The following CNTNAP2 variants were observed in gnomAD, a reference collection of about 807,000 sequenced individuals.
CNTNAP2 encodes contactin-associated protein-like 2.
Under a neutral mutation model 155.2 loss-of-function variants are expected in CNTNAP2, and 98 were observed. The ratio of observed to expected loss-of-function variants is 0.63; its 90% confidence interval spans 0.54 to 0.75. The LOEUF (loss-of-function observed/expected upper bound fraction) is 0.75, where lower values mean the gene tolerates loss of function less well. Ranked by LOEUF, CNTNAP2 falls within the 30% of genes least tolerant of loss-of-function variation. The pLI, the probability that CNTNAP2 is intolerant of heterozygous loss-of-function variation, is 0.00. For synonymous variants in CNTNAP2, 651 were observed against 631.2 expected, an observed-to-expected ratio of 1.03 and a Z score of -0.47; for missense variants, 1,727 against 1,688.1, an observed-to-expected ratio of 1.02 and a Z score of -0.40.
chr7:147,005,337 A>G (rs573228563), intron 3 of CNTNAP2, among the ~76,000 whole-genome samples: 13 of 152,222 alleles, frequency 8.5e-5, no homozygotes, highest in African/African-American at 3.1e-4. Context: ...TATGATCCAT[A>G]CACAATAACC....
intron 3 of CNTNAP2, among the ~76,000 whole-genome samples, chr7:146,888,397 C>A (rs1795711212): frequency 6.6e-6 from 1 of 151,924 alleles, no homozygotes; most frequent in South Asian, 2.1e-4. Flanking sequence ...CTTTCATTTA[C>A]CTTTTATTGA....
intron 4 of CNTNAP2, among the ~76,000 whole-genome samples, chr7:147,106,607 A>G (rs1050066746): frequency 6.6e-6 from 1 of 152,164 alleles, no homozygotes; most frequent in South Asian, 2.1e-4. Context: ...ATAATATAAC[A>G]TTGTACAAAC....
intron 13 of CNTNAP2, among the ~76,000 whole-genome samples, chr7:147,654,091 A>G (rs1439094445): frequency 1.3e-5 from 2 of 152,188 alleles, no homozygotes; most frequent in African/African-American, 4.8e-5. Context: ...TGTAAATATA[A>G]GAAATCTTAA....
At chr7:147,275,205 A>T (rs753595176) in intron 8 of CNTNAP2, among the ~76,000 whole-genome samples, 1 of 152,022 alleles carries the variant, frequency 6.6e-6, no homozygotes, top group Non-Finnish European at 1.5e-5. Flanking sequence ...AAATGACATT[A>T]GCAATTTGAT....
At chr7:148,291,121 C>A (rs1486990915) in intron 21 of CNTNAP2, among the ~76,000 whole-genome samples, 1 of 151,930 alleles carries the variant, frequency 6.6e-6, no homozygotes, top group Non-Finnish European at 1.5e-5. Flanking sequence ...TGAGACTTTC[C>A]AGTTTTTAGA....
chr7:148,409,498 A>G (rs1412246852), intron 23 of CNTNAP2, 27 bp downstream of exon 23: 4 of 1,581,590 alleles, frequency 2.5e-6, no homozygotes, highest in Non-Finnish European at 3.5e-6. Context: ...GGAGGCTTAT[A>G]TGGGGCTACT....
At chr7:147,435,480 A>G (rs745370514) in intron 10 of CNTNAP2, among the ~76,000 whole-genome samples, 1 of 152,198 alleles carries the variant, frequency 6.6e-6, no homozygotes, top group Non-Finnish European at 1.5e-5. Flanking sequence ...AGGATCTGAG[A>G]CTATATATCC....
intron 1 of CNTNAP2, among the ~76,000 whole-genome samples, chr7:146,271,824 A>G (rs1800086878): frequency 6.6e-6 from 1 of 152,136 alleles, no homozygotes; most frequent in Non-Finnish European, 1.5e-5. Flanking sequence ...TCTTTATTTC[A>G]GATAAACTAT....
At chr7:146,915,083 C>T (rs1796367380) in intron 3 of CNTNAP2, among the ~76,000 whole-genome samples, 1 of 151,968 alleles carries the variant, frequency 6.6e-6, no homozygotes, top group Non-Finnish European at 1.5e-5. Flanking sequence ...GTATACTTTC[C>T]CCACTTTATA....
At chr7:147,690,036 G>T (rs781429298) in intron 13 of CNTNAP2, among the ~76,000 whole-genome samples, 3 of 151,436 alleles carry the variant, frequency 2.0e-5, no homozygotes, top group Admixed American at 6.8e-5. Context: ...TCCGCCTCCA[G>T]TCTCCCTTCC....
At chr7:146,933,738 A>G (rs1312509326) in intron 3 of CNTNAP2, among the ~76,000 whole-genome samples, 1 of 151,976 alleles carries the variant, frequency 6.6e-6, no homozygotes, top group Non-Finnish European at 1.5e-5. Flanking sequence ...AAACAAATTT[A>G]CAAGAAAAAA....
chr7:146,370,494 A>T (rs1176645302), intron 1 of CNTNAP2, among the ~76,000 whole-genome samples: 1 of 151,948 alleles, frequency 6.6e-6, no homozygotes, highest in Non-Finnish European at 1.5e-5. Flanking sequence ...CACTGTCAAA[A>T]TTATTATTTA....
intron 20 of CNTNAP2, among the ~76,000 whole-genome samples, chr7:148,240,810 GC>G (rs1200908713): frequency 6.7e-6 from 1 of 150,326 alleles, no homozygotes; most frequent in Non-Finnish European, 1.5e-5. Context: ...GAGTACCAAA[GC>G]TGACGAATTT....
intron 11 of CNTNAP2, among the ~76,000 whole-genome samples, chr7:147,514,283 T>C (rs949586183): frequency 6.6e-6 from 1 of 152,068 alleles, no homozygotes; most frequent in African/African-American, 2.4e-5. Context: ...TATATATAGA[T>C]ATGGATATTA....
At chr7:147,690,243 A>G (rs1796068639) in intron 13 of CNTNAP2, among the ~76,000 whole-genome samples, 1 of 152,182 alleles carries the variant, frequency 6.6e-6, no homozygotes, top group Admixed American at 6.5e-5. Flanking sequence ...CCTGTCCACC[A>G]GGCAAACTGC....
chr7:147,034,823 G>A (rs1479067360), intron 3 of CNTNAP2, among the ~76,000 whole-genome samples: 3 of 152,134 alleles, frequency 2.0e-5, no homozygotes, highest in African/African-American at 7.2e-5. Context: ...TCCTCTCGAT[G>A]TCCAGACACT....
chr7:146,466,472 T>A (rs144167372), intron 1 of CNTNAP2, among the ~76,000 whole-genome samples: 52 of 152,350 alleles, frequency 3.4e-4, no homozygotes, highest in African/African-American at 1.3e-3. Flanking sequence ...ACTGGTTAAC[T>A]GTTAAATTTT....
intron 1 of CNTNAP2, among the ~76,000 whole-genome samples, chr7:146,437,328 A>G (rs999575937): frequency 5.3e-5 from 8 of 151,474 alleles, no homozygotes; most frequent in African/African-American, 2.0e-4. Context: ...TAAACGACAA[A>G]ACTACTATTT....
intron 20 of CNTNAP2, among the ~76,000 whole-genome samples, chr7:148,258,301 T>C (rs1159528678): frequency 5.3e-5 from 8 of 152,198 alleles, no homozygotes; most frequent in Non-Finnish European, 4.4e-5. Flanking sequence ...GGAACAGAGC[T>C]GCAACCCTGG....
Sources: allele counts gnomAD v4.1 joint callset (sites outside exome capture counted in the v4.1 genomes callset), GRCh38; gene constraint gnomAD v4.1.1; transcripts MANE v1.5; gene names NCBI Gene and HGNC (gene_info 2026-07-23, HGNC 2026-07-21).